The following CD6 variants were observed in gnomAD, a reference collection of about 807,000 sequenced individuals.
The protein encoded by CD6 is T-cell differentiation antigen CD6.
CD6 carries 53 observed loss-of-function variants against 75.3 expected under a neutral mutation model. The observed-to-expected ratio is 0.70, with a 90% CI of 0.56 to 0.88. The LOEUF (loss-of-function observed/expected upper bound fraction) is 0.88. CD6 is among the 40% of genes least tolerant of loss of function. The probability of loss-of-function intolerance (pLI) is 0.00; values close to 1 mark genes in which losing one functional copy is unlikely to be tolerated. For synonymous variants in CD6, 359 were observed against 381.5 expected (o/e 0.94, Z 0.69); for missense variants, 770 against 897.1 (o/e 0.86, Z 1.81).
intron 1 of CD6, among the ~76,000 whole-genome samples, chr11:60,986,491 T>C (rs1274050834): frequency 6.6e-6 from 1 of 152,204 alleles, no homozygotes; most frequent in African/African-American, 2.4e-5. Context: ...GCTTTTGCGC[T>C]CTAGGTAGAT....
At chr11:61,013,361 A>G in intron 6 of CD6, 62 bp from the exon 7 acceptor site, 2 of 1,577,598 alleles carry the variant, frequency 1.3e-6, no homozygotes, top group South Asian at 2.3e-5. Context: ...GAGAATGGAA[A>G]GGCAAGAAGA....
intron 1 of CD6, among the ~76,000 whole-genome samples, chr11:60,991,108 T>C (rs1858042266): frequency 6.6e-6 from 1 of 151,436 alleles, no homozygotes. Context: ...TCATCAGCCA[T>C]TTCCTTTTCT....
intron 4 of CD6, 56 bp downstream of exon 4, chr11:61,008,901 C>A: frequency 7.1e-7 from 1 of 1,415,552 alleles, no homozygotes; most frequent in Admixed American, 2.7e-5. Flanking sequence ...CATAGGCCTA[C>A]TGGGCGCCAA....
At chr11:60,975,733 G>A (rs2134989049) in intron 1 of CD6, among the ~76,000 whole-genome samples, 1 of 152,298 alleles carries the variant, frequency 6.6e-6, no homozygotes, top group Middle Eastern at 3.4e-3. Context: ...CCGGGAGTTT[G>A]AGGCTGCAAT....
At position 61,019,205 on chromosome 11, in the gene CD6, G is replaced by A. The variant is rs562671874; in HGVS notation, c.1943-49G>A. On this transcript the variant is annotated intron_variant, in intron 12 of 12. Transcript: ENST00000313421. The stretch of plus-strand genomic sequence containing the variant: ...CCACTCAGCTCCGTCCTGTGGGGCA[G>A]CAGGGCAATGACTGGGTCTCCCACT... 187 of 1,435,608 alleles carry A rather than the reference G, an allele frequency of 1.3e-4. 2 individuals are homozygous for A. The South Asian group carries it at 2.1e-3, about 16-fold the overall frequency. The allele number at this position is 1,435,608 out of a possible 1,614,324, so 88.9% of individuals were successfully genotyped here.
At chr11:60,988,119 C>T (rs777328667) in intron 1 of CD6, 46 of 152,344 alleles carry the variant, frequency 3.0e-4, no homozygotes, top group African/African-American at 6.5e-4. Context: ...AGTCTGGCTC[C>T]GCCTCTTAGT....
chr11:60,974,354 C>T (rs1007786647), intron 1 of CD6, among the ~76,000 whole-genome samples: 1 of 152,172 alleles, frequency 6.6e-6, no homozygotes, highest in African/African-American at 2.4e-5. Context: ...GACAGAGTCT[C>T]GCTCTGTTGC....
intron 1 of CD6, among the ~76,000 whole-genome samples, chr11:60,986,214 A>G (rs1857809393): frequency 6.6e-6 from 1 of 152,238 alleles, no homozygotes; most frequent in African/African-American, 2.4e-5. Flanking sequence ...GAATGCAAAG[A>G]GAGAAAAGAA....
chr11:61,015,754 G>T lies in CD6; in HGVS notation c.1429G>T (p.Asp477Tyr). The T allele has an allele frequency of 6.2e-7, 1 of 1,614,114 alleles. No individual in the cohort carries two copies. The highest frequency in any genetic ancestry group is 8.5e-7 in the Non-Finnish European group (1 of 1,179,990). ...PIQVQAPPPE[D>Y]SDSGSDSDYE... is the part of the protein sequence containing the mutation. ...CCAGGTCCAGGCCCCGCCCCCTGAG[G>T]ACTCAGACTCTGGCTCGGACTCAGA... is the stretch of plus-strand genomic sequence containing the variant. Residue 477 changes from aspartate (D) to tyrosine (Y), a missense_variant, in exon 9 of 13, where the codon GAC becomes TAC. By Grantham distance (160) the Asp-to-Tyr change is radical. Transcript: ENST00000313421.
At chr11:61,005,931 C>CA (rs11461659) in intron 1 of CD6, among the ~76,000 whole-genome samples, 62,644 of 137,558 alleles carry the variant, frequency 0.46, 14,765 homozygotes, top group Middle Eastern at 0.69. Context: ...AACTCTGTCT[C>CA]AAAAAAAAAA....
intron 1 of CD6, chr11:60,982,594 TG>T (rs1857615521): frequency 2.2e-6 from 1 of 456,088 alleles, no homozygotes; most frequent in Non-Finnish European, 4.4e-6. Context: ...GCTCTCGTTT[TG>T]CCTCCCTCCC....
At chr11:61,014,367 A>G (rs751147364) in intron 8 of CD6, among the ~76,000 whole-genome samples, 4 of 152,192 alleles carry the variant, frequency 2.6e-5, no homozygotes, top group African/African-American at 4.8e-5. Context: ...GTCCTGCCCA[A>G]TTGGCCTTGC....
At chr11:61,018,948 C>T (rs1030482811) in intron 12 of CD6, 3 of 378,070 alleles carry the variant, frequency 7.9e-6, no homozygotes, top group Non-Finnish European at 1.4e-5. Context: ...TGGAGGCATT[C>T]AAGCAGAAGC....
chr11:60,980,313 G>A (rs1246276696), intron 1 of CD6, among the ~76,000 whole-genome samples: 1 of 143,454 alleles, frequency 7.0e-6, no homozygotes, highest in Admixed American at 7.4e-5. Flanking sequence ...GAGCAGCATA[G>A]GCAACATAGT....
intron 1 of CD6, among the ~76,000 whole-genome samples, chr11:60,996,180 T>C (rs956578887): frequency 1.3e-5 from 2 of 152,192 alleles, no homozygotes; most frequent in African/African-American, 4.8e-5. Flanking sequence ...TGGTCTTGCT[T>C]TGACAATTAA....
At chr11:60,979,859 G>T (rs1438127360) in intron 1 of CD6, among the ~76,000 whole-genome samples, 1 of 152,160 alleles carries the variant, frequency 6.6e-6, no homozygotes, top group Non-Finnish European at 1.5e-5. Context: ...GTTTGCCCTT[G>T]AACAGTTTAT....
rs1172468063 is a variant in CD6, at chr11:61,007,664, G to T, written c.223G>T (p.Asp75Tyr). ...GGAGCCCGCGTGCGGGGCGCTCTGG[G>T]ACAGCCGCGCCGCCGAGGCCGTGTG... is the stretch of plus-strand genomic sequence containing the variant. ...SWEPACGALW[D>Y]SRAAEAVCRA... Residue 75 changes from aspartate (D) to tyrosine (Y), a missense_variant, in exon 3 of 13, where the codon GAC (aspartate) becomes TAC (tyrosine). Coordinates refer to ENST00000313421, the MANE Select transcript of CD6 (RefSeq NM_006725.5). The surrounding 1 kb of genome is among the most constrained non-coding windows in gnomAD (Gnocchi z 4.2). 1 of 1,434,980 alleles carries T rather than the reference G, an allele frequency of 7.0e-7. No individual in the cohort carries two copies. The highest frequency in any genetic ancestry group is 9.1e-7 in the Non-Finnish European group (1 of 1,094,002). The allele number at this position is 1,434,980 out of a possible 1,614,324, so 88.9% of individuals were successfully genotyped here. A position where few individuals can be genotyped will look rare whatever the true frequency, so the allele number is the denominator to read the frequency against.
At chr11:61,017,607 G>C in intron 10 of CD6, 57 bp downstream of exon 10, 1 of 1,566,450 alleles carries the variant, frequency 6.4e-7, no homozygotes, top group Non-Finnish European at 8.8e-7. Flanking sequence ...GAGTAGCTCA[G>C]CTCAGCTTGA....
chr11:60,976,544 TA>T (rs1162737045), intron 1 of CD6, among the ~76,000 whole-genome samples: 2 of 152,204 alleles, frequency 1.3e-5, no homozygotes, highest in Non-Finnish European at 2.9e-5. Flanking sequence ...CTCTATTTTC[TA>T]AATTCTAATC....
Sources: gnomAD v4.1 joint callset for allele counts (sites outside exome capture counted in the v4.1 genomes callset) on GRCh38, gnomAD v4.1.1 for gene constraint, Gnocchi (gnomAD v3.1) non-coding constraint, MANE v1.5 for transcripts, NCBI Gene and HGNC (gene_info 2026-07-23, HGNC 2026-07-21) for gene names.